FAM53A: variants seen among roughly 807,000 people sequenced by gnomAD.
FAM53A encodes the protein family with sequence similarity 53 member A.
Under a neutral mutation model 26.6 loss-of-function variants are expected in FAM53A, and 28 were observed. The observed-to-expected ratio is 1.05, with a 90% confidence interval of 0.78 to 1.45. FAM53A has a LOEUF of 1.45. Among genes scored for constraint, FAM53A ranks in the 40% most tolerant of loss-of-function variants. The pLI is 0.00. For missense variants in FAM53A, 650 were observed against 575.8 expected, an observed-to-expected ratio of 1.13 and a Z score of -1.32; for synonymous variants, 290 against 253.1, an observed-to-expected ratio of 1.15 and a Z score of -1.38.
At chr4:1,678,628 T>C (rs1049170366) in intron 1 of FAM53A, among the ~76,000 whole-genome samples, 2 of 152,090 alleles carry the variant, frequency 1.3e-5, no homozygotes, top group African/African-American at 2.4e-5. Flanking sequence ...TCAAGAGCAG[T>C]CTGGCCAACA....
the FAM53A span, among the ~76,000 whole-genome samples, chr4:1,576,530 G>A: frequency 1.0e-3 from 159 of 152,358 alleles, no homozygotes; most frequent in African/African-American, 3.6e-3. Context: ...TCAGCACCGC[G>A]AGAAGGGGCT....
At chr4:1,613,880 C>T (rs1023206978), downstream of FAM53A, among the ~76,000 whole-genome samples, 2 of 152,172 alleles carry the variant, frequency 1.3e-5, no homozygotes, top group African/African-American at 4.8e-5. Flanking sequence ...GAGAACAGTA[C>T]CTGTACCTCA....
chr4:1,599,195 G>A, the FAM53A span, among the ~76,000 whole-genome samples: 4 of 142,818 alleles, frequency 2.8e-5, no homozygotes, highest in South Asian at 2.2e-4. The surrounding 1 kb of genome is among the most constrained non-coding windows in gnomAD (Gnocchi z 6.1). Context: ...CCGGGACTTC[G>A]CCGAGGCCAG....
chr4:1,583,635 T>C, the FAM53A span, among the ~76,000 whole-genome samples: 6 of 152,212 alleles, frequency 3.9e-5, no homozygotes, highest in African/African-American at 1.4e-4. Flanking sequence ...GGTGGAGCCA[T>C]CCTGGCCTTT....
chr4:1,617,738 G>C (rs1012050064), downstream of FAM53A, among the ~76,000 whole-genome samples: 9 of 152,146 alleles, frequency 5.9e-5, no homozygotes, highest in Non-Finnish European at 1.0e-4. Flanking sequence ...CTTCATCTGA[G>C]GATGTCTTGA....
chr4:1,653,718 C>T (rs1363220344), intron 4 of FAM53A, among the ~76,000 whole-genome samples: 4 of 152,230 alleles, frequency 2.6e-5, no homozygotes, highest in Admixed American at 1.3e-4. Flanking sequence ...TCAAGCCCCC[C>T]GGAAGAATCA....
At chr4:1,613,569 C>T (rs191290377), downstream of FAM53A, among the ~76,000 whole-genome samples, 5 of 134,450 alleles carry the variant, frequency 3.7e-5, no homozygotes, top group Middle Eastern at 4.0e-3. Context: ...AGAAGAAAGT[C>T]CCGGGCAGGC....
chr4:1,654,654 G>C (rs1011315768), intron 4 of FAM53A, among the ~76,000 whole-genome samples: 8 of 152,242 alleles, frequency 5.3e-5, no homozygotes, highest in Non-Finnish European at 1.0e-4. Flanking sequence ...CTGAGGCGGG[G>C]GGCGGCTCAG....
the FAM53A span, among the ~76,000 whole-genome samples, chr4:1,598,544 G>A: frequency 2.0e-5 from 3 of 152,220 alleles, no homozygotes; most frequent in South Asian, 6.2e-4. Flanking sequence ...CAGGCAGCAC[G>A]TCCCTCAGGA....
At chr4:1,600,727 G>A in the FAM53A span, among the ~76,000 whole-genome samples, 1 of 152,180 alleles carries the variant, frequency 6.6e-6, no homozygotes, top group Admixed American at 6.5e-5. Context: ...TGTGATCACA[G>A]CTCACGGCAG....
At chr4:1,591,043 C>T in the FAM53A span, among the ~76,000 whole-genome samples, 1 of 133,426 alleles carries the variant, frequency 7.5e-6, no homozygotes, top group African/African-American at 2.8e-5. Context: ...TTGAACTAGT[C>T]CCTAATATTC....
chr4:1,630,646 C>T lies in FAM53A; in HGVS notation c.432-12535G>A, dbSNP rs1715573889. Among the ~76,000 whole-genome samples, 1 of 152,168 alleles carries T rather than the reference C, an allele frequency of 6.6e-6. No homozygotes were observed. On this transcript the variant is annotated intron_variant, in intron 1 of 1. Transcript: ENST00000489029. The surrounding 1 kb of genome is among the most constrained non-coding windows in gnomAD (Gnocchi z 4.3). The stretch of plus-strand genomic sequence containing the variant: ...AGACAGGCCAGGAGCCTGCTCTAAA[C>T]ACCATCGTGGAAGCCAGACAGAAAA...
chr4:1,593,762 C>T, the FAM53A span, among the ~76,000 whole-genome samples: 1 of 152,006 alleles, frequency 6.6e-6, no homozygotes, highest in Non-Finnish European at 1.5e-5. Context: ...ATTCACTTGT[C>T]CCTCTGCCCT....
chr4:1,660,024 C>T (rs1281337172), intron 2 of FAM53A, among the ~76,000 whole-genome samples: 1 of 152,132 alleles, frequency 6.6e-6, no homozygotes, highest in Non-Finnish European at 1.5e-5. Context: ...GGGCTGGGCA[C>T]GGGGGCACAC....
chr4:1,653,516 G>A (rs139577637), intron 4 of FAM53A, among the ~76,000 whole-genome samples: 6 of 152,226 alleles, frequency 3.9e-5, no homozygotes, highest in Non-Finnish European at 7.4e-5. Context: ...TGACACCCAC[G>A]CCATGCACAC....
Position 1,683,899 on chromosome 4 carries a change from G to A in FAM53A, c.-165+334C>T, listed in dbSNP as rs532375269. ...CCGCAAGTCCCCTCCTCGGGTCGCCGGGGAAGTCTGGCCTCCCGCGTCTGG... is the reference window on the plus strand; with the variant it reads ...CCGCAAGTCCCCTCCTCGGGTCGCCAGGGAAGTCTGGCCTCCCGCGTCTGG... On this transcript the variant is annotated intron_variant, in intron 1 of 4. Coordinates refer to ENST00000308132, the MANE Select transcript of FAM53A (RefSeq NM_001174070.3). The A allele has an allele frequency of 3.9e-5, 6 of 152,348 alleles. No homozygotes were observed. The South Asian group carries it at 8.3e-4, about 21-fold the overall frequency. The allele number at this position is 152,348 out of a possible 1,614,324, so 9.4% of individuals were successfully genotyped here.
intron 3 of FAM53A, among the ~76,000 whole-genome samples, chr4:1,657,120 C>T (rs1713445354): frequency 6.6e-6 from 1 of 152,212 alleles, no homozygotes; most frequent in South Asian, 2.1e-4. Flanking sequence ...GGCCTTGCAC[C>T]TTCCAGAAAG....
intron 2 of FAM53A, among the ~76,000 whole-genome samples, chr4:1,657,882 G>A (rs1165301019): frequency 1.3e-5 from 2 of 150,876 alleles, no homozygotes; most frequent in Admixed American, 6.6e-5. Flanking sequence ...CTCGTGATCC[G>A]CCCGCCTCAG....
rs1715171416 is a variant in FAM53A at position 1,623,992 on chromosome 4, T to C, written c.432-5881A>G. Among the ~76,000 whole-genome samples the C allele has an allele frequency of 2.0e-5, 3 of 152,116 alleles. 1 individual carries two copies. In the South Asian group the frequency reaches 6.2e-4, roughly 31 times the overall value. Reference sequence around the variant, plus strand: ...GGCATACCTGAGGGCCCAGGGGCCATGCCTGCCTGGGGCGGGTGTGAGGCC... The same window carrying C: ...GGCATACCTGAGGGCCCAGGGGCCACGCCTGCCTGGGGCGGGTGTGAGGCC... On this transcript the variant is annotated intron_variant, in intron 1 of 1. Coordinates refer to the FAM53A transcript ENST00000489029.
Sources: gnomAD v4.1 joint callset for allele counts (sites outside exome capture counted in the v4.1 genomes callset) on GRCh38, gnomAD v4.1.1 for gene constraint, Gnocchi (gnomAD v3.1) non-coding constraint, MANE v1.5 for transcripts, NCBI Gene and HGNC (gene_info 2026-07-23, HGNC 2026-07-21) for gene names.